SELENOP: variants seen among roughly 807,000 people sequenced by gnomAD.
SELENOP encodes the protein selenoprotein P, plasma, 1.
In SELENOP, 36 loss-of-function variants were observed where a neutral mutation model predicts 41.0. That is an observed-to-expected ratio of 0.88 (90% CI 0.67 to 1.16). The LOEUF is 1.16. Ranked by LOEUF, SELENOP falls within the 50% of genes most tolerant of loss-of-function variation. The pLI, the probability that SELENOP is intolerant of heterozygous loss-of-function variation, is 0.00. For missense variants in SELENOP, 440 were observed against 454.2 expected, an observed-to-expected ratio of 0.97 and a Z score of 0.28; for synonymous variants, 144 against 150.8, an observed-to-expected ratio of 0.95 and a Z score of 0.33.
intron 1 of SELENOP, among the ~76,000 whole-genome samples, chr5:42,809,341 C>T (rs966767035): frequency 1.2e-4 from 18 of 152,124 alleles, no homozygotes; most frequent in Non-Finnish European, 8.8e-5. Context: ...CTTTTAAATA[C>T]CTGACTAGAA....
At chr5:42,811,435 T>TCA (rs1190099064) in intron 1 of SELENOP, among the ~76,000 whole-genome samples, 2 of 152,364 alleles carry the variant, frequency 1.3e-5, no homozygotes, top group South Asian at 2.1e-4. Context: ...TGAGCATATT[T>TCA]CAGTGTCTGC....
At chr5:42,806,488 C>A in intron 3 of SELENOP, 1 of 158,624 alleles carries the variant, frequency 6.3e-6, no homozygotes, top group Non-Finnish European at 1.4e-5. Context: ...TAATTGTAAT[C>A]AAGGGATAGA....
chr5:42,811,670 C>G (rs1041375972), intron 1 of SELENOP, among the ~76,000 whole-genome samples, 166 bp downstream of exon 1: 9 of 152,184 alleles, frequency 5.9e-5, no homozygotes, highest in African/African-American at 2.2e-4. Context: ...CCTACCACAC[C>G]TAAGTTCAGA....
chr5:42,806,828 G>A, intron 3 of SELENOP, 68 bp downstream of exon 3: 2 of 812,842 alleles, frequency 2.5e-6, no homozygotes, highest in Non-Finnish European at 4.0e-6. Flanking sequence ...ATGTGTGATG[G>A]GAAGTAAATA....
intron 1 of SELENOP, among the ~76,000 whole-genome samples, chr5:42,811,366 C>T (rs1019984770): frequency 2.0e-5 from 3 of 152,162 alleles, no homozygotes; most frequent in African/African-American, 7.2e-5. Context: ...TACCCCATTC[C>T]ACCACTTTTT....
chr5:42,802,164 G>A (rs1760220959), intron 4 of SELENOP: 1 of 152,126 alleles, frequency 6.6e-6, no homozygotes, highest in Middle Eastern at 3.2e-3. Flanking sequence ...GCTGAAAATA[G>A]CAAATTACTG....
intron 4 of SELENOP, among the ~76,000 whole-genome samples, chr5:42,803,179 A>G (rs922457139): frequency 2.6e-5 from 4 of 152,186 alleles, no homozygotes; most frequent in African/African-American, 9.7e-5. Flanking sequence ...TGTAATTTGT[A>G]TTTACAGATG....
intron 1 of SELENOP, among the ~76,000 whole-genome samples, chr5:42,810,483 G>GTTATTTTTTTATTTATTTATTTTT (rs1760435380): frequency 6.6e-6 from 1 of 151,580 alleles, no homozygotes; most frequent in Non-Finnish European, 1.5e-5. Flanking sequence ...TTTTTGAGAC[G>GTTATTTTTTTATTTATTTATTTTT]GAGTCTTGCT....
At chr5:42,809,209 C>G (rs76392067) in intron 1 of SELENOP, among the ~76,000 whole-genome samples, 99 of 152,308 alleles carry the variant, frequency 6.5e-4, no homozygotes, top group African/African-American at 2.3e-3. Flanking sequence ...ATTTAAGACT[C>G]TTTGAAATCC....
chr5:42,811,259 A>G (rs1579740443), intron 1 of SELENOP, among the ~76,000 whole-genome samples: 2 of 152,352 alleles, frequency 1.3e-5, no homozygotes, highest in East Asian at 3.9e-4. Context: ...CATTTAAAAT[A>G]CAAAAGTTTG....
intron 1 of SELENOP, among the ~76,000 whole-genome samples, chr5:42,811,297 G>T (rs372819546): frequency 4.7e-4 from 71 of 152,154 alleles, no homozygotes; most frequent in Middle Eastern, 3.2e-3. Context: ...CCTAATTGTT[G>T]ACATGGGTTT....
intron 4 of SELENOP, among the ~76,000 whole-genome samples, 174 bp downstream of exon 4, chr5:42,804,478 TAATA>T (rs28919905): frequency 6.0e-4 from 91 of 151,646 alleles, no homozygotes; most frequent in African/African-American, 2.2e-3. Flanking sequence ...ATAGTAATAG[TAATA>T]AATAAATAAA....
In SELENOP at chr5:42,801,185, C is replaced by A. The variant is rs766400584; in HGVS notation, c.681G>T (p.Gln227His). Reference protein sequence around the residue: ...HLGSSELSENQQPGAPNAPTH... With the variant: ...HLGSSELSENHQPGAPNAPTH... ...TAGGAGCATTTGGTGCTCCTGGTTGCTGATTCTCTGAAAGCTCACTGCTGC... is the reference window on the plus strand; with the variant it reads ...TAGGAGCATTTGGTGCTCCTGGTTGATGATTCTCTGAAAGCTCACTGCTGC... The change falls in exon 5 of 5, where the codon CAG (glutamine) becomes CAT (histidine). Residue 227 changes from glutamine to histidine, a missense_variant. Physicochemically the swap from Gln to His is conservative, Grantham distance 24. Transcript: ENST00000514985. 6.2e-6 allele frequency: 10 copies of A among 1,613,990 alleles called. No homozygotes were observed. The highest frequency in any genetic ancestry group is 1.3e-5 in the African/African-American group (1 of 74,892).
chr5:42,807,988 A>C (rs540738259), intron 2 of SELENOP, 163 bp downstream of exon 2: 11 of 391,868 alleles, frequency 2.8e-5, no homozygotes, highest in African/African-American at 2.3e-4. Context: ...TTTGGTGTGT[A>C]TCATCCTAGT....
At chr5:42,809,191 C>T (rs1760407608) in intron 1 of SELENOP, among the ~76,000 whole-genome samples, 1 of 152,104 alleles carries the variant, frequency 6.6e-6, no homozygotes, top group South Asian at 2.1e-4. Context: ...ACATCTGCCC[C>T]CTCTACCATT....
Position 42,801,007 on chromosome 5 carries a change from A to G in SELENOP, c.859T>C (p.Cys287Arg), listed in dbSNP as rs1561282549. ...AACTCTGAATCTGTGGGCAATTTAC[A>G]GAGTAATTGATTTATACATCTCTTT... The part of the protein sequence containing the change: ...CRKRCINQLL[C>R]KLPTDSELAP... The change falls in exon 5 of 5, where the codon TGT (cysteine) becomes CGT (arginine). Residue 287 changes from cysteine (C) to arginine (R), a missense_variant. Physicochemically the swap from Cys to Arg is radical, Grantham distance 180. Coordinates refer to ENST00000514985, the MANE Select transcript of SELENOP (RefSeq NM_005410.4). 6.2e-7 allele frequency: 1 copy of G among 1,614,204 alleles called. No homozygotes were observed. Among genetic ancestry groups the G allele is most frequent in the South Asian group, 1.1e-5 (1 of 91,076 alleles).
At chr5:42,809,791 A>AT in intron 1 of SELENOP, 1 of 955,712 alleles carries the variant, frequency 1.0e-6, no homozygotes, top group East Asian at 1.1e-4. Flanking sequence ...GAACTTAACT[A>AT]GAGAGAGTGA....
At chr5:42,802,411 A>G (rs570178922) in intron 4 of SELENOP, 1 of 152,368 alleles carries the variant, frequency 6.6e-6, no homozygotes, top group South Asian at 2.1e-4. Context: ...AAAAGGTTAT[A>G]AATTCCATTA....
intron 4 of SELENOP, 96 bp from the exon 5 acceptor site, chr5:42,801,427 T>C: frequency 2.2e-6 from 2 of 918,276 alleles, no homozygotes; most frequent in Non-Finnish European, 1.6e-6. Context: ...AAATTCCAAC[T>C]AGTTAATTAG....
Sources: allele counts gnomAD v4.1 joint callset (sites outside exome capture counted in the v4.1 genomes callset), GRCh38; gene constraint gnomAD v4.1.1; transcripts MANE v1.5; gene names NCBI Gene and HGNC (gene_info 2026-07-23, HGNC 2026-07-21).